The following IMPG1 variants were observed in gnomAD, a reference collection of about 807,000 sequenced individuals.
The protein encoded by IMPG1 is interphotoreceptor matrix proteoglycan of 150 kDa.
A neutral mutation model predicts 92.0 loss-of-function variants in IMPG1; 85 were observed. The observed-to-expected ratio is 0.92, with a 90% CI of 0.78 to 1.11. IMPG1 has a LOEUF of 1.11. Among genes scored for constraint, IMPG1 ranks in the 50% least tolerant of loss-of-function variants. IMPG1 has a pLI of 0.00. For missense variants in IMPG1, 1,022 were observed against 956.0 expected, an observed-to-expected ratio of 1.07 and a Z score of -0.91; for synonymous variants, 367 against 334.1, an observed-to-expected ratio of 1.10 and a Z score of -1.08.
chr6:76,040,166 G>T (rs1783810174), intron 2 of IMPG1, among the ~76,000 whole-genome samples: 1 of 152,180 alleles, frequency 6.6e-6, no homozygotes, highest in Non-Finnish European at 1.5e-5. Flanking sequence ...GACTGTCATT[G>T]CTGTGGGGAG....
intron 14 of IMPG1, among the ~76,000 whole-genome samples, chr6:75,944,628 T>A (rs1179678061): frequency 1.3e-5 from 2 of 152,204 alleles, no homozygotes; most frequent in Non-Finnish European, 2.9e-5. Flanking sequence ...ATATAAAATT[T>A]AGATTTTGTC....
chr6:75,925,653 C>A lies in IMPG1; in HGVS notation c.2244-1947G>T, dbSNP rs373323094. 2.7e-4 allele frequency among the ~76,000 whole-genome samples: 37 copies of A among 138,774 alleles called. 2 individuals are homozygous for A. In the South Asian group the frequency reaches 6.7e-3, roughly 25 times the overall value. 91.0% of individuals were successfully genotyped at this position (138,774 alleles called of 152,430 possible). A position where few individuals can be genotyped will look rare whatever the true frequency, so the allele number is the denominator to read the frequency against. On this transcript the variant is annotated intron_variant, in intron 15 of 16. Coordinates refer to ENST00000369950, the MANE Select transcript of IMPG1 (RefSeq NM_001563.4). ...ACCAGCCTGGGCAACACAGTGAGAC[C>A]CTATCTGTGTTTTTTATTTGTTTGT... is the stretch of plus-strand genomic sequence containing the variant.
intron 12 of IMPG1, among the ~76,000 whole-genome samples, chr6:75,983,772 G>A (rs113222327): frequency 0.011 from 1,635 of 152,088 alleles, 30 homozygotes; most frequent in African/African-American, 0.038. Flanking sequence ...AGGAAACAGA[G>A]TGAAGATAAA....
intron 1 of IMPG1, among the ~76,000 whole-genome samples, chr6:76,068,931 G>T (rs184510593): frequency 6.4e-4 from 97 of 152,016 alleles, no homozygotes; most frequent in Non-Finnish European, 1.1e-3. Context: ...AACCAAAAAA[G>T]AGCTCATATA....
intron 4 of IMPG1, among the ~76,000 whole-genome samples, chr6:76,026,617 G>T (rs934399755): frequency 2.0e-5 from 3 of 152,232 alleles, no homozygotes; most frequent in Non-Finnish European, 4.4e-5. Flanking sequence ...CCTGGACAAA[G>T]GGTTCAGCTC....
chr6:75,974,252 T>TTCTTTCTTTCTCTC (rs1007125413), intron 12 of IMPG1, among the ~76,000 whole-genome samples: 1 of 151,806 alleles, frequency 6.6e-6, no homozygotes, highest in Non-Finnish European at 1.5e-5. Flanking sequence ...AGGACTTTCT[T>TTCTTTCTTTCTCTC]TCTTTCTTTC....
chr6:75,965,757 G>A (rs1412484164), intron 12 of IMPG1, among the ~76,000 whole-genome samples: 1 of 151,996 alleles, frequency 6.6e-6, no homozygotes, highest in African/African-American at 2.4e-5. Flanking sequence ...ACAGGCGCCT[G>A]CCATCACGCC....
At chr6:76,023,640 A>C (rs1783472893) in intron 5 of IMPG1, among the ~76,000 whole-genome samples, 1 of 152,218 alleles carries the variant, frequency 6.6e-6, no homozygotes, top group Non-Finnish European at 1.5e-5. Flanking sequence ...GTCCAGAAGT[A>C]CTGGGGAAAT....
intron 7 of IMPG1, among the ~76,000 whole-genome samples, chr6:76,016,677 C>A (rs750806323): frequency 3.9e-5 from 6 of 152,166 alleles, no homozygotes; most frequent in Non-Finnish European, 7.4e-5. Flanking sequence ...CCTGTTTGTT[C>A]CCTGGCCATG....
At chr6:75,996,736 G>A (rs1319072514) in intron 12 of IMPG1, among the ~76,000 whole-genome samples, 1 of 152,052 alleles carries the variant, frequency 6.6e-6, no homozygotes, top group Non-Finnish European at 1.5e-5. Context: ...AATAACTTGA[G>A]GTTGGTGACT....
At chr6:75,983,237 G>A (rs1180808596) in intron 12 of IMPG1, among the ~76,000 whole-genome samples, 1 of 151,766 alleles carries the variant, frequency 6.6e-6, no homozygotes, top group Non-Finnish European at 1.5e-5. Flanking sequence ...CAATCCTATA[G>A]CAACTTTAGA....
At chr6:75,931,499 C>T (rs773844881) in intron 14 of IMPG1, among the ~76,000 whole-genome samples, 4 of 152,032 alleles carry the variant, frequency 2.6e-5, no homozygotes, top group Admixed American at 1.3e-4. Flanking sequence ...AAGCAGTTCC[C>T]GGTGATGCTG....
chr6:76,036,755 G>A (rs903609922), intron 2 of IMPG1, among the ~76,000 whole-genome samples: 12 of 140,962 alleles, frequency 8.5e-5, no homozygotes, highest in African/African-American at 2.6e-4. Flanking sequence ...ATTTGCTCAC[G>A]TATCTGTTAA....
chr6:75,945,939 T>C (rs1781920835), intron 14 of IMPG1, among the ~76,000 whole-genome samples: 1 of 152,132 alleles, frequency 6.6e-6, no homozygotes, highest in Non-Finnish European at 1.5e-5. Flanking sequence ...GGTGGATGGG[T>C]CCCTAAGTAA....
chr6:76,063,118 C>T (rs1384512566), intron 1 of IMPG1, among the ~76,000 whole-genome samples: 4 of 151,760 alleles, frequency 2.6e-5, no homozygotes, highest in Non-Finnish European at 4.4e-5. Flanking sequence ...GCAGGCGAAT[C>T]GCTGGAACAC....
chr6:75,993,368 A>G (rs1045960362), intron 12 of IMPG1, among the ~76,000 whole-genome samples: 3 of 152,158 alleles, frequency 2.0e-5, no homozygotes, highest in African/African-American at 7.2e-5. Context: ...CATGAAGTCC[A>G]AGATCAAGGC....
chr6:76,003,061 A>G, intron 11 of IMPG1, 65 bp from the exon 12 acceptor site: 1 of 1,149,732 alleles, frequency 8.7e-7, no homozygotes, highest in Non-Finnish European at 1.3e-6. Context: ...GAGAAGGGCT[A>G]TACCCATATT....
intron 12 of IMPG1, among the ~76,000 whole-genome samples, chr6:75,971,640 A>G (rs1476827351): frequency 6.6e-6 from 1 of 152,164 alleles, no homozygotes; most frequent in East Asian, 1.9e-4. Context: ...TACAAATCAC[A>G]TGTAAGTGCA....
rs746517520 is a variant in IMPG1 at position 75,923,645 on chromosome 6, G to A, written c.2305C>T (p.Gln769Ter). 4 of 1,544,820 alleles carry A rather than the reference G, an allele frequency of 2.6e-6. No homozygotes were observed. In the Admixed American group the frequency reaches 6.8e-5, roughly 26 times the overall value. Residue 769 changes from glutamine (Q) to a stop codon, truncating the protein, a stop_gained, in exon 16 of 17, where the codon CAA (glutamine) becomes TAA (stop). Coordinates refer to ENST00000369950, the MANE Select transcript of IMPG1 (RefSeq NM_001563.4). LOFTEE classifies it high-confidence loss of function. ...KTSVKKFQNQ[Q>*]NNKVISKRNS... The stretch of plus-strand genomic sequence containing the variant: ...AAGTATGATTTTACCTTGTTATTTT[G>A]TTGATTTTGGAACTTTTTAACACTA...
Sources: gnomAD v4.1 joint callset for allele counts (sites outside exome capture counted in the v4.1 genomes callset) on GRCh38, gnomAD v4.1.1 for gene constraint, MANE v1.5 for transcripts, NCBI Gene and HGNC (gene_info 2026-07-23, HGNC 2026-07-21) for gene names.